FILIP1L: variants seen among roughly 807,000 people sequenced by gnomAD.
The protein encoded by FILIP1L is filamin A interacting protein 1 like.
A neutral mutation model predicts 96.6 loss-of-function variants in FILIP1L; 55 were observed. The ratio of observed to expected loss-of-function variants is 0.57; its 90% CI spans 0.46 to 0.71. The LOEUF (loss-of-function observed/expected upper bound fraction) is 0.71, where lower values mean the gene tolerates loss of function less well. FILIP1L is among the 30% of genes least tolerant of loss of function. The probability of loss-of-function intolerance (pLI) is 0.00; values close to 1 mark genes in which losing one functional copy is unlikely to be tolerated. For missense variants in FILIP1L, 1,304 were observed against 1,321.2 expected (o/e 0.99, Z 0.20); for synonymous variants, 467 against 473.9 (o/e 0.99, Z 0.19).
chr3:99,981,558 A>T (rs894339157), intron 1 of FILIP1L, among the ~76,000 whole-genome samples: 2 of 152,218 alleles, frequency 1.3e-5, no homozygotes, highest in Non-Finnish European at 1.5e-5. Context: ...CACAGTGTAT[A>T]TCTATATACC....
intron 1 of FILIP1L, among the ~76,000 whole-genome samples, chr3:99,981,358 C>T (rs577176786): frequency 4.6e-4 from 70 of 152,248 alleles, no homozygotes; most frequent in African/African-American, 1.6e-3. Context: ...AGAGTCAGGC[C>T]CTCCACCCAT....
chr3:99,960,856 A>G (rs1036391801), intron 1 of FILIP1L, among the ~76,000 whole-genome samples: 5 of 152,176 alleles, frequency 3.3e-5, no homozygotes, highest in African/African-American at 1.2e-4. Flanking sequence ...CGTTGTTAAT[A>G]TTTTTAATTG....
chr3:100,042,554 C>A (rs1487379458), intron 1 of FILIP1L, among the ~76,000 whole-genome samples: 3 of 152,140 alleles, frequency 2.0e-5, no homozygotes, highest in Non-Finnish European at 2.9e-5. Context: ...TATTTTAATT[C>A]TTTGGAAATT....
chr3:99,923,717 A>G (rs958566620), intron 4 of FILIP1L, among the ~76,000 whole-genome samples: 1 of 152,192 alleles, frequency 6.6e-6, no homozygotes, highest in Non-Finnish European at 1.5e-5. Context: ...AGGAAAGCAT[A>G]ACTGATCATC....
chr3:99,833,374 C>T (rs1353332158), intron 5 of FILIP1L: 2 of 840,418 alleles, frequency 2.4e-6, no homozygotes, highest in Non-Finnish European at 3.8e-6. Context: ...CTAGAAGACT[C>T]CCTGGTTACA....
chr3:99,973,190 T>C (rs1708872717), intron 1 of FILIP1L, among the ~76,000 whole-genome samples: 1 of 152,206 alleles, frequency 6.6e-6, no homozygotes, highest in Non-Finnish European at 1.5e-5. Context: ...TCTGAAAAAC[T>C]AGGAGCATTA....
At chr3:100,055,708 T>C (rs2065453289) in intron 1 of FILIP1L, among the ~76,000 whole-genome samples, 3 of 152,234 alleles carry the variant, frequency 2.0e-5, no homozygotes, top group African/African-American at 7.2e-5. Flanking sequence ...TCAAACATTC[T>C]TGAGAGGAGA....
intron 1 of FILIP1L, among the ~76,000 whole-genome samples, chr3:100,091,878 G>C (rs2066116528): frequency 6.6e-6 from 1 of 152,158 alleles, no homozygotes; most frequent in South Asian, 2.1e-4. Context: ...AATATTAATT[G>C]AAACTGTAAA....
intron 4 of FILIP1L, among the ~76,000 whole-genome samples, chr3:99,915,065 T>C (rs1647565776): frequency 6.6e-6 from 1 of 152,172 alleles, no homozygotes. Flanking sequence ...TTCTTCTAGC[T>C]CCATGATAAG....
chr3:99,897,832 A>G (rs915331485), intron 4 of FILIP1L, among the ~76,000 whole-genome samples: 4 of 152,244 alleles, frequency 2.6e-5, no homozygotes, highest in African/African-American at 4.8e-5. Context: ...AGAATCTCCT[A>G]TAGTGTGTCA....
At chr3:100,035,501 G>A (rs1473640593) in intron 1 of FILIP1L, among the ~76,000 whole-genome samples, 1 of 152,118 alleles carries the variant, frequency 6.6e-6, no homozygotes, top group Non-Finnish European at 1.5e-5. Context: ...TCGAACTCCT[G>A]ATCCACCCGC....
intron 4 of FILIP1L, among the ~76,000 whole-genome samples, chr3:99,900,956 G>A (rs1239770964): frequency 6.6e-6 from 1 of 152,202 alleles, no homozygotes; most frequent in Non-Finnish European, 1.5e-5. Context: ...AGTAGGATCT[G>A]GACCCTGGAG....
At chr3:99,911,932 G>A (rs138667649) in intron 4 of FILIP1L, among the ~76,000 whole-genome samples, 4 of 151,776 alleles carry the variant, frequency 2.6e-5, no homozygotes, top group African/African-American at 7.3e-5. Context: ...CAAAATGTTC[G>A]TTCTCTCTTT....
At chr3:100,109,367 C>A (rs2066449647) in intron 1 of FILIP1L, among the ~76,000 whole-genome samples, 1 of 152,092 alleles carries the variant, frequency 6.6e-6, no homozygotes, top group South Asian at 2.1e-4. Flanking sequence ...TCTTATATAA[C>A]GTACAATTCT....
At chr3:99,892,827 T>C (rs1304120038) in intron 4 of FILIP1L, among the ~76,000 whole-genome samples, 2 of 152,254 alleles carry the variant, frequency 1.3e-5, no homozygotes, top group African/African-American at 2.4e-5. Context: ...ATTTTATCCT[T>C]GATCTAAACA....
chr3:100,017,395 C>T (rs1403446411), intron 1 of FILIP1L, among the ~76,000 whole-genome samples: 1 of 152,180 alleles, frequency 6.6e-6, no homozygotes, highest in Non-Finnish European at 1.5e-5. Flanking sequence ...TTACCTCTCC[C>T]ATTATTAGTA....
intron 1 of FILIP1L, among the ~76,000 whole-genome samples, chr3:99,951,310 C>G (rs192621771): frequency 9.4e-4 from 143 of 152,270 alleles, no homozygotes; most frequent in African/African-American, 3.3e-3. Flanking sequence ...ATTTTACTTA[C>G]ATCTATATTA....
chr3:100,028,937 A>G (rs917425983), intron 1 of FILIP1L, among the ~76,000 whole-genome samples: 2 of 152,170 alleles, frequency 1.3e-5, no homozygotes, highest in African/African-American at 2.4e-5. Flanking sequence ...AAACATATAC[A>G]TATATATCCT....
intron 4 of FILIP1L, among the ~76,000 whole-genome samples, chr3:99,886,969 CAA>C (rs544548363): frequency 2.3e-4 from 21 of 89,750 alleles, no homozygotes; most frequent in Admixed American, 5.1e-4. Context: ...GACTCCATCT[CAA>C]AAAAAAAAAA....
Sources: allele counts gnomAD v4.1 joint callset (sites outside exome capture counted in the v4.1 genomes callset), GRCh38; gene constraint gnomAD v4.1.1; transcripts MANE v1.5; gene names NCBI Gene and HGNC (gene_info 2026-07-23, HGNC 2026-07-21).